Variants in DIAPH2 observed in about 807,000 individuals in gnomAD.
DIAPH2 encodes diaphanous related formin 2.
A neutral mutation model predicts 92.7 loss-of-function variants in DIAPH2; 35 were observed. The observed-to-expected ratio is 0.38, with a 90% CI of 0.29 to 0.50. The LOEUF (loss-of-function observed/expected upper bound fraction) is 0.50. Among genes scored for constraint, DIAPH2 ranks in the 20% least tolerant of loss-of-function variants. The pLI, the probability that DIAPH2 is intolerant of heterozygous loss-of-function variation, is 0.94. For missense variants in DIAPH2, 701 were observed against 819.5 expected, an observed-to-expected ratio of 0.86 and a Z score of 1.77; for synonymous variants, 301 against 280.4, an observed-to-expected ratio of 1.07 and a Z score of -0.73.
intron 22 of DIAPH2, among the ~76,000 whole-genome samples, chrX:97,209,210 A>G (rs1351314582): frequency 9.0e-6 from 1 of 110,509 alleles, no homozygotes; most frequent in East Asian, 2.8e-4. Context: ...CTACTCTTCA[A>G]TTTTCTAGAA....
chrX:96,978,444 G>C (rs2065975146), intron 17 of DIAPH2, among the ~76,000 whole-genome samples: 1 of 109,698 alleles, frequency 9.1e-6, no homozygotes, highest in South Asian at 3.9e-4. Flanking sequence ...GATTGAGCAA[G>C]CTAAATTTTG....
chrX:96,960,733 C>G (rs5920823), intron 16 of DIAPH2, among the ~76,000 whole-genome samples: 47,760 of 110,552 alleles, frequency 0.43, 7,609 homozygotes, highest in South Asian at 0.55. Context: ...TTAGCAATGG[C>G]TTTGTCATAT....
chrX:96,852,605 A>C (rs1348344914), intron 4 of DIAPH2, among the ~76,000 whole-genome samples: 1 of 111,588 alleles, frequency 9.0e-6, no homozygotes, highest in East Asian at 2.8e-4. Context: ...CCCAAAGAAC[A>C]GGAAGTCTTA....
chrX:97,194,164 C>A (rs1259620371), intron 22 of DIAPH2, among the ~76,000 whole-genome samples: 1 of 111,410 alleles, frequency 9.0e-6, no homozygotes, highest in African/African-American at 3.3e-5. Flanking sequence ...TGCTCCATAT[C>A]TCTGCTCTAC....
At chrX:96,787,571 C>T (rs755038986) in intron 4 of DIAPH2, among the ~76,000 whole-genome samples, 1 of 109,872 alleles carries the variant, frequency 9.1e-6, no homozygotes, top group East Asian at 2.9e-4. Context: ...ATGTTGAGAA[C>T]TTTTTCTAAT....
At chrX:97,052,881 G>T (rs1171687549) in intron 17 of DIAPH2, among the ~76,000 whole-genome samples, 4 of 111,086 alleles carry the variant, frequency 3.6e-5, no homozygotes, top group Non-Finnish European at 5.7e-5. Context: ...CTAGGCTGAT[G>T]TTAATATTTT....
intron 25 of DIAPH2, among the ~76,000 whole-genome samples, chrX:97,413,140 G>A (rs1440830369): frequency 9.0e-6 from 1 of 111,699 alleles, no homozygotes; most frequent in Non-Finnish European, 1.9e-5. Flanking sequence ...GATGAACATC[G>A]ATGTGAAAAT....
At chrX:97,344,164 C>T (rs910166931) in intron 23 of DIAPH2, among the ~76,000 whole-genome samples, 4 of 112,154 alleles carry the variant, frequency 3.6e-5, no homozygotes, top group Admixed American at 2.8e-4. Flanking sequence ...GAGATTAAGG[C>T]TTTAATGATC....
At chrX:97,552,951 C>T (rs964078222) in intron 26 of DIAPH2, among the ~76,000 whole-genome samples, 7 of 111,540 alleles carry the variant, frequency 6.3e-5, no homozygotes, top group African/African-American at 2.3e-4. Context: ...CCTAATGTGA[C>T]TATCCCTCTG....
chrX:97,108,394 T>G (rs1017443582), intron 20 of DIAPH2, among the ~76,000 whole-genome samples: 3 of 111,652 alleles, frequency 2.7e-5, no homozygotes, highest in Non-Finnish European at 5.7e-5. Flanking sequence ...TTCAGCAGAG[T>G]TTTTATTTTA....
chrX:97,568,563 G>A (rs908636328), intron 26 of DIAPH2, among the ~76,000 whole-genome samples: 1 of 111,501 alleles, frequency 9.0e-6, no homozygotes, highest in African/African-American at 3.3e-5. Context: ...TTGGAAATGT[G>A]CACCACATGA....
intron 4 of DIAPH2, among the ~76,000 whole-genome samples, chrX:96,869,290 G>A (rs1334344426): frequency 5.4e-5 from 6 of 110,468 alleles, no homozygotes; most frequent in African/African-American, 2.0e-4. Flanking sequence ...CAGGCCGGAC[G>A]TGGTAGCTCA....
At chrX:97,447,565 T>G (rs768113239) in intron 26 of DIAPH2, among the ~76,000 whole-genome samples, 21 of 111,379 alleles carry the variant, frequency 1.9e-4, no homozygotes, top group Admixed American at 1.7e-3. Context: ...AATCAAACCC[T>G]CCTATTGGAA....
At chrX:96,833,604 T>A (rs2064869418) in intron 4 of DIAPH2, among the ~76,000 whole-genome samples, 1 of 111,476 alleles carries the variant, frequency 9.0e-6, no homozygotes, top group Non-Finnish European at 1.9e-5. Context: ...AAAAATCAGA[T>A]AGATTCACAG....
chrX:96,804,832 C>T (rs1266815991), intron 4 of DIAPH2, among the ~76,000 whole-genome samples: 1 of 111,343 alleles, frequency 9.0e-6, no homozygotes, highest in Admixed American at 9.6e-5. Flanking sequence ...TGGGTAGTAA[C>T]AAAAAGCCTG....
intron 4 of DIAPH2, among the ~76,000 whole-genome samples, chrX:96,873,709 T>C (rs765201911): frequency 2.7e-5 from 3 of 109,533 alleles, no homozygotes; most frequent in South Asian, 4.0e-4. Flanking sequence ...CATGTATATA[T>C]ACACACACAC....
intron 4 of DIAPH2, among the ~76,000 whole-genome samples, chrX:96,765,193 GTTT>G (rs142407154): frequency 0.028 from 2,306 of 83,164 alleles, 79 homozygotes; most frequent in African/African-American, 0.1. Context: ...ATATTCACAT[GTTT>G]TTTTTTTTTT....
chrX:97,062,107 A>G (rs2066603100), intron 17 of DIAPH2, among the ~76,000 whole-genome samples: 2 of 111,656 alleles, frequency 1.8e-5, no homozygotes, highest in African/African-American at 3.3e-5. Flanking sequence ...CCTCAATGAT[A>G]TATCTAGTTT....
chrX:97,528,528 G>C (rs1166978865), intron 26 of DIAPH2: 1 of 111,526 alleles, frequency 9.0e-6, no homozygotes, highest in East Asian at 2.8e-4. Flanking sequence ...GAAAGAGAGA[G>C]GGAAGGGAGC....
Sources: gnomAD v4.1 joint callset for allele counts (sites outside exome capture counted in the v4.1 genomes callset) on GRCh38, gnomAD v4.1.1 for gene constraint, MANE v1.5 for transcripts, NCBI Gene and HGNC (gene_info 2026-07-23, HGNC 2026-07-21) for gene names.